Variants in IL31RA observed in about 807,000 individuals in gnomAD.
IL31RA encodes the protein interleukin-31 receptor subunit alpha.
A neutral mutation model predicts 83.7 loss-of-function variants in IL31RA; 66 were observed. That is an observed-to-expected ratio of 0.79 (90% CI 0.65 to 0.97). The LOEUF is 0.97. Ranked by LOEUF, IL31RA falls within the 50% of genes least tolerant of loss-of-function variation. The probability of loss-of-function intolerance (pLI) is 0.00; values close to 1 mark genes in which losing one functional copy is unlikely to be tolerated. For missense variants in IL31RA, 798 were observed against 919.4 expected, an observed-to-expected ratio of 0.87 and a Z score of 1.71; for synonymous variants, 325 against 329.0, an observed-to-expected ratio of 0.99 and a Z score of 0.13.
chr5:55,867,007 A>G (rs1746091880), intron 2 of IL31RA, among the ~76,000 whole-genome samples: 1 of 152,192 alleles, frequency 6.6e-6, no homozygotes, highest in Non-Finnish European at 1.5e-5. Context: ...GGCTCAACAA[A>G]GAAGTTAGTA....
chr5:55,878,660 TC>T (rs1456846897), intron 4 of IL31RA, among the ~76,000 whole-genome samples: 29 of 152,312 alleles, frequency 1.9e-4, no homozygotes, highest in African/African-American at 6.7e-4. Flanking sequence ...TGCTTTTTTT[TC>T]TTCTTTTTTT....
intron 3 of IL31RA, 151 bp from the exon 4 acceptor site, chr5:55,872,119 A>G: frequency 1.6e-6 from 1 of 638,520 alleles, no homozygotes; most frequent in Non-Finnish European, 2.7e-6. Flanking sequence ...TGAGGAAGGA[A>G]TTTGGAAAGA....
In IL31RA at chr5:55,920,741, C is replaced by A. The variant is rs1353090680; in HGVS notation, c.*3621C>A. Among the ~76,000 whole-genome samples, 1 of 152,140 alleles carries A rather than the reference C, an allele frequency of 6.6e-6. No individual in the cohort carries two copies. Among genetic ancestry groups the A allele is most frequent in the Non-Finnish European group, 1.5e-5 (1 of 68,026 alleles). On this transcript the variant is annotated 3_prime_UTR_variant, in exon 15 of 15. Transcript: ENST00000652347. ...GGATATGTCATTCTGAATTTCTGAC[C>A]AAATAAGGACTGCCCTCTTTGAAGG...
intron 4 of IL31RA, among the ~76,000 whole-genome samples, chr5:55,873,146 T>G (rs1201505460): frequency 6.6e-6 from 1 of 152,210 alleles, no homozygotes; most frequent in Non-Finnish European, 1.5e-5. Flanking sequence ...CTATACATTT[T>G]ATAAAAATAT....
rs1187935731 is a variant in IL31RA, at chr5:55,917,927, C to T, written c.*807C>T. ...CATTGCAGTGGTTGTCATATAGGGA[C>T]GCTGGCCCCTCACACTGGTTCAGAG... On this transcript the variant is annotated 3_prime_UTR_variant, in exon 15 of 15. Transcript: ENST00000652347. Among the ~76,000 whole-genome samples the T allele has an allele frequency of 6.6e-6, 1 of 152,160 alleles. No individual in the cohort carries two copies. The highest frequency in any genetic ancestry group is 6.5e-5 in the Admixed American group (1 of 15,284).
In IL31RA at chr5:55,910,629, G is replaced by A; in HGVS notation, c.1599G>A (p.Gly533=). The part of the protein sequence containing the change: ...IVQVMASTSA[G]GTNGTSINFK... ...AGGTCATGGCCAGCACCAGTGCTGG[G>A]GGAACCAACGGGACCAGCATAAATT... The change falls in exon 12 of 15, where the codon GGG becomes GGA. Residue 533 remains glycine (G), a synonymous_variant. Transcript: ENST00000652347. 5 of 1,614,100 alleles carry A rather than the reference G, an allele frequency of 3.1e-6. No individual in the cohort carries two copies. The highest frequency in any genetic ancestry group is 4.2e-6 in the Non-Finnish European group (5 of 1,179,976).
chr5:55,907,328 A>G (rs2112559049), intron 9 of IL31RA, 31 bp from the exon 10 acceptor site: 1 of 1,395,860 alleles, frequency 7.2e-7, no homozygotes, highest in South Asian at 1.2e-5. Flanking sequence ...CGTGCTCTGC[A>G]CTTACACTTT....
At position 55,922,054 on chromosome 5, in the gene IL31RA, C is replaced by CGGGGGGG. The variant is rs56052025; in HGVS notation, c.*4940_*4946dup. On this transcript the variant is annotated 3_prime_UTR_variant, in exon 15 of 15. Coordinates refer to ENST00000652347, the MANE Select transcript of IL31RA (RefSeq NM_139017.7). Reference sequence around the variant, plus strand: ...AGTGTCTTGCACTCTTATGTTGTGGCGGGGGGGGGGGGCGGTTCCTGAAGA... The same window carrying CGGGGGGG: ...AGTGTCTTGCACTCTTATGTTGTGGCGGGGGGGGGGGGGGGGGGGCGGTTCCTGAAGA... 1.4e-5 allele frequency among the ~76,000 whole-genome samples: 1 copy of CGGGGGGG among 70,380 alleles called. No individual in the cohort carries two copies. Among genetic ancestry groups the CGGGGGGG allele is most frequent in the African/African-American group, 5.4e-5 (1 of 18,414 alleles). 46.2% of individuals were successfully genotyped at this position (70,380 alleles called of 152,430 possible). A position where few individuals can be genotyped will look rare whatever the true frequency, so the allele number is the denominator to read the frequency against.
At chr5:55,860,134 TGA>T (rs1310099068) in intron 2 of IL31RA, among the ~76,000 whole-genome samples, 2 of 152,166 alleles carry the variant, frequency 1.3e-5, no homozygotes, top group Non-Finnish European at 2.9e-5. Flanking sequence ...TTTGGGAGGC[TGA>T]GGCGGGCAGA....
rs1380716780 is a variant in IL31RA at position 55,883,091 on chromosome 5, A to C, written c.502A>C (p.Ile168Leu). The C allele has an allele frequency of 6.2e-7, 1 of 1,614,094 alleles. No homozygotes were observed. Among genetic ancestry groups the C allele is most frequent in the Non-Finnish European group, 8.5e-7 (1 of 1,179,926 alleles). Residue 168 changes from isoleucine (I) to leucine (L), a missense_variant, in exon 5 of 15, where the codon ATC becomes CTC. Transcript: ENST00000652347. ...TTTCCGTGTGAAACCAGTTTTGGGC[A>C]TCAAACGAATGATTCAAATTGAATG... The part of the protein sequence containing the change: ...KIFRVKPVLG[I>L]KRMIQIEWIK...
At position 55,916,677 on chromosome 5, in the gene IL31RA, G is replaced by C. The variant is rs774598126; in HGVS notation, c.1852G>C (p.Val618Leu). ...KLNLKESDDS[V>L]NTEDRILKPC... ...AAACCTGAAGGAGTCTGATGACTCT[G>C]TGAACACAGAAGACAGGATCTTAAA... Residue 618 changes from valine to leucine, a missense_variant, in exon 15 of 15, where the codon GTG (valine) becomes CTG (leucine). Val to Leu is a conservative substitution (Grantham distance 32). Transcript: ENST00000652347. 2 of 1,614,164 alleles carry C rather than the reference G, an allele frequency of 1.2e-6. No individual in the cohort carries two copies. Among genetic ancestry groups the C allele is most frequent in the African/African-American group, 2.7e-5 (2 of 75,060 alleles).
chr5:55,916,504 T>A (rs1367214932), intron 14 of IL31RA, 140 bp from the exon 15 acceptor site: 5 of 747,352 alleles, frequency 6.7e-6, no homozygotes, highest in Non-Finnish European at 1.2e-5. Context: ...CAGAGAGGGT[T>A]GGCTACCACT....
chr5:55,866,767 C>T (rs1374767283), intron 2 of IL31RA: 2 of 152,316 alleles, frequency 1.3e-5, no homozygotes, highest in African/African-American at 4.8e-5. Flanking sequence ...TTGTACCGCT[C>T]TATCAAGAAC....
At chr5:55,898,674 T>A (rs1248416603) in intron 7 of IL31RA, among the ~76,000 whole-genome samples, 2 of 149,424 alleles carry the variant, frequency 1.3e-5, no homozygotes, top group Non-Finnish European at 3.0e-5. Flanking sequence ...AATATGTTTT[T>A]TAAAAAGATT....
At position 55,922,430 on chromosome 5, in the gene IL31RA, T is replaced by C; in HGVS notation, c.*5310T>C. The C allele has an allele frequency of 6.4e-7, 1 of 1,550,688 alleles. No individual in the cohort carries two copies. The highest frequency in any genetic ancestry group is 8.7e-7 in the Non-Finnish European group (1 of 1,146,612). Reference sequence around the variant, plus strand: ...TCTGTCTTCCTGCCCAACTTCAATATAAGTGTGGACTAAAATGCGAGAAAG... The same window carrying C: ...TCTGTCTTCCTGCCCAACTTCAATACAAGTGTGGACTAAAATGCGAGAAAG... On this transcript the variant is annotated 3_prime_UTR_variant, in exon 15 of 15. Transcript: ENST00000652347.
At chr5:55,850,265 A>C (rs1745020911), upstream of IL31RA, among the ~76,000 whole-genome samples, 1 of 152,006 alleles carries the variant, frequency 6.6e-6, no homozygotes, top group Admixed American at 6.6e-5. Context: ...AATGTTCCTC[A>C]ATTCTTGGGA....
chr5:55,872,244 A>C (rs1353928465), intron 3 of IL31RA, 26 bp from the exon 4 acceptor site: 4 of 1,550,022 alleles, frequency 2.6e-6, no homozygotes, highest in Non-Finnish European at 3.6e-6. Context: ...TACTAAACTC[A>C]TGTTGAATCA....
At position 55,906,099 on chromosome 5, in the gene IL31RA, C is replaced by A; in HGVS notation, c.1070-7C>A. On this transcript the variant is annotated splice_region_variant and splice_polypyrimidine_tract_variant and intron_variant, in intron 8 of 14. Transcript: ENST00000652347. ...AGCTGTGAAGCAGTCCTTTTCTCTC[C>A]TTTCAGCATTTCAGTGCATTGAGGT... 1 of 1,614,066 alleles carries A rather than the reference C, an allele frequency of 6.2e-7. No homozygotes were observed. The highest frequency in any genetic ancestry group is 8.5e-7 in the Non-Finnish European group (1 of 1,179,906).
At chr5:55,896,935 C>A (rs1235520767) in intron 7 of IL31RA, among the ~76,000 whole-genome samples, 3 of 69,644 alleles carry the variant, frequency 4.3e-5, no homozygotes, top group African/African-American at 1.6e-4. Context: ...TCCCACTTCA[C>A]CTTCCCAAGT....
Sources: allele counts gnomAD v4.1 joint callset (sites outside exome capture counted in the v4.1 genomes callset), GRCh38; gene constraint gnomAD v4.1.1; transcripts MANE v1.5; gene names NCBI Gene and HGNC (gene_info 2026-07-23, HGNC 2026-07-21).